Variants in CDYL2 observed in about 807,000 individuals in gnomAD.
CDYL2 encodes chromodomain Y like 2, also known as chromodomain Y-like protein 2.
CDYL2 carries 23 observed loss-of-function variants against 49.4 expected under a neutral mutation model. The ratio of observed to expected loss-of-function variants is 0.47; its 90% CI spans 0.34 to 0.66. The LOEUF is 0.66. Among genes scored for constraint, CDYL2 ranks in the 30% least tolerant of loss-of-function variants. CDYL2 has a pLI of 0.01. For synonymous variants in CDYL2, 360 were observed against 268.8 expected, an observed-to-expected ratio of 1.34 and a Z score of -3.32; for missense variants, 678 against 656.4, an observed-to-expected ratio of 1.03 and a Z score of -0.36.
At chr16:80,700,765 T>A (rs770754373) in intron 1 of CDYL2, among the ~76,000 whole-genome samples, 3 of 152,222 alleles carry the variant, frequency 2.0e-5, no homozygotes, top group Non-Finnish European at 4.4e-5. Context: ...TGTACAACCT[T>A]CTCTCCTCCT....
chr16:80,751,011 T>G (rs1177057974), intron 1 of CDYL2, among the ~76,000 whole-genome samples: 1 of 130,312 alleles, frequency 7.7e-6, no homozygotes, highest in Non-Finnish European at 1.5e-5. Flanking sequence ...CAGAGTGAGA[T>G]TCCATCTTAA....
chr16:80,650,085 A>C lies in CDYL2; in HGVS notation c.617-16849T>G, dbSNP rs563964471. Among the ~76,000 whole-genome samples the C allele has an allele frequency of 5.3e-5, 8 of 152,320 alleles. No individual in the cohort carries two copies. The South Asian group carries it at 1.7e-3, about 32-fold the overall frequency. ...AAAAATTTCCTGAGCAATACCCTAC[A>C]AGCACAGGCAACCAAAGCAAAAATG... On this transcript the variant is annotated intron_variant, in intron 2 of 6. Transcript: ENST00000570137.
intron 1 of CDYL2, among the ~76,000 whole-genome samples, chr16:80,773,738 G>C (rs957718803): frequency 6.6e-6 from 1 of 152,010 alleles, no homozygotes; most frequent in Admixed American, 6.6e-5. Context: ...AATCATAAAA[G>C]ATTATATATT....
At chr16:80,658,268 A>C (rs1908895335) in intron 2 of CDYL2, among the ~76,000 whole-genome samples, 4 of 152,188 alleles carry the variant, frequency 2.6e-5, no homozygotes, top group Admixed American at 1.3e-4. Context: ...AAACATGTTA[A>C]GATATAAAAT....
Position 80,748,342 on chromosome 16 carries a change from C to T in CDYL2, c.24+55808G>A, listed in dbSNP as rs140799926. 6.4e-3 allele frequency among the ~76,000 whole-genome samples: 950 copies of T among 148,134 alleles called. 9 individuals carry two copies. The highest frequency in any genetic ancestry group is 0.023 in the African/African-American group (920 of 40,568). ...CAGGTCGAGACCATCCTGACTAACACGGTGAAACCCCATCTCTACTAAAAA... is the reference window on the plus strand; with the variant it reads ...CAGGTCGAGACCATCCTGACTAACATGGTGAAACCCCATCTCTACTAAAAA... On this transcript the variant is annotated intron_variant, in intron 1 of 6. Coordinates refer to ENST00000570137, the MANE Select transcript of CDYL2 (RefSeq NM_152342.4).
At chr16:80,660,308 G>C (rs1297234122) in intron 2 of CDYL2, among the ~76,000 whole-genome samples, 6 of 151,972 alleles carry the variant, frequency 3.9e-5, no homozygotes, top group Admixed American at 3.9e-4. Context: ...ATAATGTTGG[G>C]TGTATAAAAT....
chr16:80,662,760 G>C (rs1335086608), intron 2 of CDYL2: 11 of 455,738 alleles, frequency 2.4e-5, no homozygotes, highest in Admixed American at 1.6e-4. Context: ...GTGGCTGATG[G>C]CTACCGTACT....
intron 4 of CDYL2, among the ~76,000 whole-genome samples, chr16:80,617,921 CAA>C (rs1906903426): frequency 6.6e-6 from 1 of 152,202 alleles, no homozygotes; most frequent in African/African-American, 2.4e-5. Context: ...CGACTGACAT[CAA>C]AAGATGCGCT....
chr16:80,749,163 AC>A (rs1906042984), intron 1 of CDYL2, among the ~76,000 whole-genome samples: 1 of 152,194 alleles, frequency 6.6e-6, no homozygotes, highest in African/African-American at 2.4e-5. Flanking sequence ...TATTATTTAT[AC>A]TTTTAGTTTC....
intron 1 of CDYL2, among the ~76,000 whole-genome samples, chr16:80,703,020 T>C (rs748594692): frequency 1.3e-5 from 2 of 152,104 alleles, no homozygotes; most frequent in Non-Finnish European, 2.9e-5. Context: ...AGCTCAATCA[T>C]GTGGAATATA....
In CDYL2 at chr16:80,612,638, C is replaced by A. The variant is rs1021449916; in HGVS notation, c.1206G>T (p.Leu402=). The change falls in exon 5 of 7, where the codon CTG becomes CTT. Residue 402 remains leucine (L), a synonymous_variant. Transcript: ENST00000570137. The surrounding 1 kb of genome is among the most constrained non-coding windows in gnomAD (Gnocchi z 5.0). ...ACAGGAGGCTTACCAGCGCGACGCC[C>A]AGGATCTGGGGGAAGGTGTAGGAGG... ...GCSSYTFPQI[L]GVALANEMLF... 4 of 1,608,590 alleles carry A rather than the reference C, an allele frequency of 2.5e-6. No homozygotes were observed. In the South Asian group the frequency reaches 4.4e-5, roughly 18 times the overall value.
intron 2 of CDYL2, among the ~76,000 whole-genome samples, chr16:80,678,893 A>G (rs1244802796): frequency 5.3e-5 from 8 of 151,372 alleles, no homozygotes; most frequent in Non-Finnish European, 7.4e-5. Flanking sequence ...TTGGATTAAG[A>G]AAATGTGGCA....
intron 1 of CDYL2, among the ~76,000 whole-genome samples, chr16:80,746,290 T>C (rs1264517129): frequency 1.3e-5 from 2 of 152,248 alleles, no homozygotes; most frequent in Admixed American, 1.3e-4. Context: ...CAAATTATCC[T>C]ATCCTGCTGA....
chr16:80,631,915 C>G (rs946941041), intron 3 of CDYL2, among the ~76,000 whole-genome samples: 2 of 152,140 alleles, frequency 1.3e-5, no homozygotes, highest in Admixed American at 6.5e-5. Context: ...TACAGAGAAC[C>G]TAGAACCCTC....
chr16:80,626,603 G>T (rs148746717), intron 3 of CDYL2, among the ~76,000 whole-genome samples: 1 of 152,306 alleles, frequency 6.6e-6, no homozygotes, highest in East Asian at 1.9e-4. Context: ...TCACTGGATT[G>T]TTAAAACAAG....
intron 2 of CDYL2, among the ~76,000 whole-genome samples, chr16:80,656,550 A>C (rs1908822065): frequency 6.6e-6 from 1 of 152,184 alleles, no homozygotes; most frequent in African/African-American, 2.4e-5. Flanking sequence ...GAAAATAGGA[A>C]AGCCCCCATC....
At chr16:80,653,446 C>T (rs2142423263) in intron 2 of CDYL2, among the ~76,000 whole-genome samples, 1 of 152,224 alleles carries the variant, frequency 6.6e-6, no homozygotes, top group East Asian at 1.9e-4. Context: ...GCCTGGGCAA[C>T]AAGAGTGAAA....
chr16:80,772,180 T>C (rs1472789218), intron 1 of CDYL2, among the ~76,000 whole-genome samples: 1 of 152,184 alleles, frequency 6.6e-6, no homozygotes, highest in East Asian at 1.9e-4. Flanking sequence ...AAAGCTTTTT[T>C]AGGCAAATAA....
intron 1 of CDYL2, among the ~76,000 whole-genome samples, chr16:80,779,295 T>C (rs1907189327): frequency 6.6e-6 from 1 of 152,064 alleles, no homozygotes. Context: ...CCATTAATGG[T>C]TTTAAAAATC....
Sources: gnomAD v4.1 joint callset for allele counts (sites outside exome capture counted in the v4.1 genomes callset) on GRCh38, gnomAD v4.1.1 for gene constraint, Gnocchi (gnomAD v3.1) non-coding constraint, MANE v1.5 for transcripts, NCBI Gene and HGNC (gene_info 2026-07-23, HGNC 2026-07-21) for gene names.